The following NWD2 variants were observed in gnomAD, a reference collection of about 807,000 sequenced individuals.
NWD2 encodes NACHT and WD repeat domain-containing protein 2.
NWD2 carries 37 observed loss-of-function variants against 132.7 expected under a neutral mutation model. That is an observed-to-expected ratio of 0.28 (90% CI 0.21 to 0.37). The LOEUF is 0.37. Ranked by LOEUF, NWD2 falls within the 10% of genes least tolerant of loss-of-function variation. NWD2 has a pLI of 1.00. For missense variants in NWD2, 1,592 were observed against 2,122.4 expected (o/e 0.75, Z 4.91); for synonymous variants, 705 against 803.0 (o/e 0.88, Z 2.06).
chr4:37,432,729 G>A (rs1008116923), intron 4 of NWD2, among the ~76,000 whole-genome samples: 7 of 152,038 alleles, frequency 4.6e-5, no homozygotes, highest in African/African-American at 1.7e-4. Context: ...TTATATTCAT[G>A]CATCTTATAG....
chr4:37,353,117 A>G (rs1004721431), intron 2 of NWD2, among the ~76,000 whole-genome samples: 2 of 152,190 alleles, frequency 1.3e-5, no homozygotes, highest in African/African-American at 4.8e-5. Flanking sequence ...TATGAAGGTT[A>G]GTTTGGCTGG....
chr4:37,382,810 C>G (rs548746988), intron 3 of NWD2, among the ~76,000 whole-genome samples: 1 of 152,186 alleles, frequency 6.6e-6, no homozygotes, highest in South Asian at 2.1e-4. Flanking sequence ...TGTGCCTCAG[C>G]CTCCCGAGTA....
At chr4:37,254,967 C>T (rs1049063890) in intron 1 of NWD2, among the ~76,000 whole-genome samples, 10 of 152,318 alleles carry the variant, frequency 6.6e-5, no homozygotes, top group African/African-American at 2.4e-4. Flanking sequence ...AATATTTAAT[C>T]TGATCTATTA....
intron 5 of NWD2, 117 bp from the exon 6 acceptor site, chr4:37,438,684 C>T (rs1417122079): frequency 1.7e-5 from 11 of 661,478 alleles, no homozygotes; most frequent in South Asian, 2.9e-5. Context: ...AAGATTACTT[C>T]GCTACAAACC....
Position 37,443,957 on chromosome 4 carries a change from C to A in NWD2, c.1969C>A (p.Leu657Met). The change falls in exon 7 of 7, where the codon CTG becomes ATG. Residue 657 changes from leucine (L) to methionine (M), a missense_variant. Leu to Met is a conservative substitution (Grantham distance 15, BLOSUM62 2). Transcript: ENST00000309447. The surrounding 1 kb of genome is among the most constrained non-coding windows in gnomAD (Gnocchi z 4.1). ...CTTGGAGAAGAAGTGTGGTCAGAAA[C>A]TGGTCTCTAGGGCTCTTGGTTACAT... ...WSLEKKCGQK[L>M]VSRALGYITM... 1 of 1,552,326 alleles carries A rather than the reference C, an allele frequency of 6.4e-7. No individual in the cohort carries two copies. The highest frequency in any genetic ancestry group is 8.7e-7 in the Non-Finnish European group (1 of 1,147,140).
intron 1 of NWD2, among the ~76,000 whole-genome samples, chr4:37,274,087 G>C (rs1195028397): frequency 6.6e-6 from 1 of 152,020 alleles, no homozygotes; most frequent in East Asian, 1.9e-4. Context: ...GATCAGAGCA[G>C]AACTGAAGGA....
chr4:37,312,042 T>C (rs902774219), intron 1 of NWD2, among the ~76,000 whole-genome samples: 7 of 152,084 alleles, frequency 4.6e-5, no homozygotes, highest in Admixed American at 1.3e-4. Flanking sequence ...CCTTGTAGTA[T>C]AGTTTGAAGT....
chr4:37,286,323 C>T (rs1042632869), intron 1 of NWD2, among the ~76,000 whole-genome samples: 1 of 152,152 alleles, frequency 6.6e-6, no homozygotes, highest in Non-Finnish European at 1.5e-5. Flanking sequence ...CCAAATTACA[C>T]TTGTGCTTAT....
At chr4:37,368,666 T>C in intron 3 of NWD2, among the ~76,000 whole-genome samples, 1 of 152,180 alleles carries the variant, frequency 6.6e-6, no homozygotes, top group East Asian at 1.9e-4. Context: ...CTAAGAGCTT[T>C]CCATCTCTAA....
intron 3 of NWD2, among the ~76,000 whole-genome samples, chr4:37,358,142 A>G (rs906866377): frequency 3.9e-5 from 6 of 152,174 alleles, no homozygotes; most frequent in African/African-American, 1.4e-4. Flanking sequence ...TAATTTCAGT[A>G]AGACAATTCA....
chr4:37,342,506 C>T (rs1015694044), intron 2 of NWD2, among the ~76,000 whole-genome samples: 1 of 152,152 alleles, frequency 6.6e-6, no homozygotes, highest in Non-Finnish European at 1.5e-5. Context: ...GGTCAGGTGT[C>T]CTGCCACTGA....
chr4:37,419,385 C>T (rs182578012), intron 3 of NWD2, among the ~76,000 whole-genome samples: 1 of 152,084 alleles, frequency 6.6e-6, no homozygotes, highest in Non-Finnish European at 1.5e-5. Flanking sequence ...GCAACAAAAG[C>T]CAAAATTGAC....
intron 3 of NWD2, among the ~76,000 whole-genome samples, chr4:37,361,939 A>C (rs1442724564): frequency 6.6e-6 from 1 of 152,190 alleles, no homozygotes; most frequent in African/African-American, 2.4e-5. Context: ...GACTCTTCCA[A>C]AGGGCTCCCA....
At chr4:37,283,022 G>T (rs746552379) in intron 1 of NWD2, among the ~76,000 whole-genome samples, 9 of 152,116 alleles carry the variant, frequency 5.9e-5, no homozygotes, top group Non-Finnish European at 1.2e-4. Context: ...TAAAGCTGGT[G>T]TGTTGTCGCA....
intron 1 of NWD2, among the ~76,000 whole-genome samples, chr4:37,318,679 G>A (rs553627163): frequency 6.6e-6 from 1 of 152,012 alleles, no homozygotes; most frequent in African/African-American, 2.4e-5. Context: ...TTATAAGTGA[G>A]AATATATGCT....
chr4:37,307,504 A>C (rs1172534321), intron 1 of NWD2, among the ~76,000 whole-genome samples: 2 of 152,152 alleles, frequency 1.3e-5, no homozygotes, highest in African/African-American at 4.8e-5. Flanking sequence ...TATTAGTCTG[A>C]AGGGGATTTC....
chr4:37,335,210 G>A (rs1281817328), intron 2 of NWD2, among the ~76,000 whole-genome samples: 2 of 142,428 alleles, frequency 1.4e-5, no homozygotes, highest in Admixed American at 1.6e-4. Context: ...GCCTGTTCTA[G>A]CCTTTGCGAA....
chr4:37,257,896 C>G (rs1317865122), intron 1 of NWD2, among the ~76,000 whole-genome samples: 1 of 152,142 alleles, frequency 6.6e-6, no homozygotes, highest in African/African-American at 2.4e-5. Flanking sequence ...CCACAGGTAG[C>G]CAACAGAGTT....
chr4:37,398,277 A>G (rs1001935250), intron 3 of NWD2, among the ~76,000 whole-genome samples: 1 of 152,244 alleles, frequency 6.6e-6, no homozygotes, highest in Middle Eastern at 3.2e-3. Flanking sequence ...GCCATAAAAA[A>G]GAATGAGTTC....
Sources: gnomAD v4.1 joint callset for allele counts (sites outside exome capture counted in the v4.1 genomes callset) on GRCh38, gnomAD v4.1.1 for gene constraint, Gnocchi (gnomAD v3.1) non-coding constraint, MANE v1.5 for transcripts, NCBI Gene and HGNC (gene_info 2026-07-23, HGNC 2026-07-21) for gene names.